ADAMTS18: variants seen among roughly 807,000 people sequenced by gnomAD.
The protein encoded by ADAMTS18 is ADAM metallopeptidase with thrombospondin type 1 motif 18.
Under a neutral mutation model 165.9 loss-of-function variants are expected in ADAMTS18, and 157 were observed. That is an observed-to-expected ratio of 0.95 (90% CI 0.83 to 1.08). The LOEUF is 1.08. Ranked by LOEUF, ADAMTS18 falls within the 50% of genes least tolerant of loss-of-function variation. ADAMTS18 has a pLI of 0.00. For synonymous variants in ADAMTS18, 782 were observed against 578.2 expected, an observed-to-expected ratio of 1.35 and a Z score of -5.06; for missense variants, 2,040 against 1,534.0, an observed-to-expected ratio of 1.33 and a Z score of -5.51.
chr16:77,364,406 G>T lies in ADAMTS18; in HGVS notation c.779-25C>A, dbSNP rs1033037985. The T allele has an allele frequency of 3.1e-6, 5 of 1,610,698 alleles. No individual in the cohort carries two copies. The African/African-American group carries it at 5.4e-5, about 17-fold the overall frequency. On this transcript the variant is annotated intron_variant, in intron 4 of 22. Coordinates refer to ENST00000282849, the MANE Select transcript of ADAMTS18 (RefSeq NM_199355.4). ...TCTACGATGAACAGAAGAGCATTTG[G>T]AAGGGATATTAGAGAATATCTGGAT...
chr16:77,346,201 C>T (rs1472988905), intron 10 of ADAMTS18, among the ~76,000 whole-genome samples: 1 of 152,184 alleles, frequency 6.6e-6, no homozygotes, highest in East Asian at 1.9e-4. Flanking sequence ...TTTTCCTTAT[C>T]TTATTCCAAA....
intron 3 of ADAMTS18, among the ~76,000 whole-genome samples, chr16:77,374,652 C>G (rs925761027): frequency 6.6e-6 from 1 of 152,234 alleles, no homozygotes; most frequent in Non-Finnish European, 1.5e-5. Flanking sequence ...CACTTAAGTG[C>G]TTTAACTGGA....
At chr16:77,407,143 T>G (rs2057402990) in intron 3 of ADAMTS18, among the ~76,000 whole-genome samples, 1 of 152,106 alleles carries the variant, frequency 6.6e-6, no homozygotes, top group South Asian at 2.1e-4. Flanking sequence ...AATTGATAAG[T>G]GAGAGTGTTC....
intron 9 of ADAMTS18, among the ~76,000 whole-genome samples, chr16:77,355,643 T>C (rs1345751406): frequency 6.6e-6 from 1 of 152,190 alleles, no homozygotes; most frequent in Non-Finnish European, 1.5e-5. Context: ...CCAGCGATAG[T>C]ACCTTATGCA....
intron 16 of ADAMTS18, among the ~76,000 whole-genome samples, chr16:77,309,191 T>C (rs1010562333): frequency 3.3e-5 from 5 of 151,488 alleles, no homozygotes; most frequent in African/African-American, 9.7e-5. Context: ...TTTATTTTTA[T>C]GCTAACGTGC....
intron 8 of ADAMTS18, among the ~76,000 whole-genome samples, chr16:77,358,141 G>T (rs1000109377): frequency 6.6e-6 from 1 of 152,054 alleles, no homozygotes. Context: ...TTAAAAATTG[G>T]CTTATTCATA....
chr16:77,416,886 C>T (rs529787474), intron 3 of ADAMTS18, among the ~76,000 whole-genome samples: 16 of 152,198 alleles, frequency 1.1e-4, no homozygotes, highest in Admixed American at 9.2e-4. Context: ...ACAGTGATGG[C>T]AGCAGTGGTA....
chr16:77,433,790 G>A (rs1481067790), intron 2 of ADAMTS18, among the ~76,000 whole-genome samples: 1 of 152,128 alleles, frequency 6.6e-6, no homozygotes, highest in African/African-American at 2.4e-5. Flanking sequence ...ATTTCCCTCT[G>A]GGCTCCACTG....
chr16:77,359,884 G>A (rs2056687215), intron 7 of ADAMTS18, among the ~76,000 whole-genome samples: 1 of 152,156 alleles, frequency 6.6e-6, no homozygotes, highest in Admixed American at 6.5e-5. Context: ...TCTTTTACTA[G>A]AGCAGAAAAC....
At chr16:77,413,395 C>A (rs866518064) in intron 3 of ADAMTS18, among the ~76,000 whole-genome samples, 9 of 152,284 alleles carry the variant, frequency 5.9e-5, no homozygotes, top group Middle Eastern at 3.4e-3. Context: ...ACTTCTCCTG[C>A]CTTTCTGTGG....
chr16:77,428,934 C>T (rs2057705667), intron 3 of ADAMTS18, among the ~76,000 whole-genome samples: 1 of 152,142 alleles, frequency 6.6e-6, no homozygotes, highest in African/African-American at 2.4e-5. Flanking sequence ...TGTGTCCATA[C>T]GTTCATCAAA....
intron 3 of ADAMTS18, among the ~76,000 whole-genome samples, chr16:77,402,072 A>G (rs1461066987): frequency 6.6e-6 from 1 of 152,202 alleles, no homozygotes; most frequent in Non-Finnish European, 1.5e-5. Context: ...TAGTGGCACG[A>G]GCCAATCCCT....
intron 10 of ADAMTS18, among the ~76,000 whole-genome samples, chr16:77,342,164 T>C (rs1244099448): frequency 6.6e-5 from 10 of 152,202 alleles, no homozygotes. Flanking sequence ...CAAGTCTTCA[T>C]CCTGAAATGC....
At chr16:77,363,999 A>G in intron 5 of ADAMTS18, 114 bp from the exon 6 acceptor site, 1 of 1,224,232 alleles carries the variant, frequency 8.2e-7, no homozygotes, top group South Asian at 1.3e-5. Context: ...ATATATGTAC[A>G]TATAAATACA....
At chr16:77,364,796 G>A (rs2056769454) in intron 4 of ADAMTS18, among the ~76,000 whole-genome samples, 1 of 148,116 alleles carries the variant, frequency 6.8e-6, no homozygotes, top group African/African-American at 2.6e-5. Flanking sequence ...GCAAAGCAAA[G>A]GAAAGAAAAG....
chr16:77,346,552 A>G (rs2056479734), intron 10 of ADAMTS18, among the ~76,000 whole-genome samples: 1 of 152,184 alleles, frequency 6.6e-6, no homozygotes, highest in Non-Finnish European at 1.5e-5. Context: ...AAATTATTTC[A>G]TTGTATCATC....
intron 19 of ADAMTS18, among the ~76,000 whole-genome samples, chr16:77,294,151 C>T (rs2055421275): frequency 6.6e-6 from 1 of 152,046 alleles, no homozygotes; most frequent in Non-Finnish European, 1.5e-5. Flanking sequence ...TTTCATTCTT[C>T]CCCATAATTT....
intron 2 of ADAMTS18, 180 bp from the exon 3 acceptor site, chr16:77,431,791 A>C: frequency 1.5e-6 from 1 of 667,576 alleles, no homozygotes. Context: ...TCTACAACTA[A>C]CTCGGCCACA....
At chr16:77,351,869 G>C (rs1227728616) in intron 10 of ADAMTS18, among the ~76,000 whole-genome samples, 1 of 151,970 alleles carries the variant, frequency 6.6e-6, no homozygotes, top group Non-Finnish European at 1.5e-5. Flanking sequence ...CTAGTAGTTG[G>C]AACTACAGGT....
Sources: allele counts gnomAD v4.1 joint callset (sites outside exome capture counted in the v4.1 genomes callset), GRCh38; gene constraint gnomAD v4.1.1; transcripts MANE v1.5; gene names NCBI Gene and HGNC (gene_info 2026-07-23, HGNC 2026-07-21).